Variants in COL25A1 observed in about 807,000 individuals in gnomAD.
The protein encoded by COL25A1 is collagen alpha-1(XXV) chain.
A neutral mutation model predicts 128.4 loss-of-function variants in COL25A1; 103 were observed. The observed-to-expected ratio is 0.80, with a 90% CI of 0.68 to 0.94. The LOEUF (loss-of-function observed/expected upper bound fraction) is 0.94, where lower values mean the gene tolerates loss of function less well. Ranked by LOEUF, COL25A1 falls within the 40% of genes least tolerant of loss-of-function variation. The probability of loss-of-function intolerance (pLI) is 0.00; values close to 1 mark genes in which losing one functional copy is unlikely to be tolerated. For synonymous variants in COL25A1, 279 were observed against 277.2 expected (o/e 1.01, Z -0.06); for missense variants, 745 against 840.0 (o/e 0.89, Z 1.40).
At chr4:109,112,399 A>G (rs1358242305) in intron 3 of COL25A1, among the ~76,000 whole-genome samples, 1 of 152,048 alleles carries the variant, frequency 6.6e-6, no homozygotes, top group Non-Finnish European at 1.5e-5. Context: ...ACCATAATAA[A>G]TATGGTGGAT....
At chr4:109,197,341 TTA>T (rs1303724677) in intron 3 of COL25A1, among the ~76,000 whole-genome samples, 2 of 131,556 alleles carry the variant, frequency 1.5e-5, no homozygotes, top group Non-Finnish European at 3.1e-5. Context: ...TATATATATA[TTA>T]TATATATATT....
intron 5 of COL25A1, among the ~76,000 whole-genome samples, chr4:109,032,779 G>A (rs1038591411): frequency 6.6e-6 from 1 of 152,178 alleles, no homozygotes; most frequent in Non-Finnish European, 1.5e-5. Flanking sequence ...GGCTCGGCAG[G>A]TTCTTTCTGA....
intron 8 of COL25A1, among the ~76,000 whole-genome samples, chr4:108,957,553 T>A (rs1337499178): frequency 6.6e-6 from 1 of 152,222 alleles, no homozygotes; most frequent in Non-Finnish European, 1.5e-5. Flanking sequence ...ACGGTAGATG[T>A]TGATTCAAAA....
intron 3 of COL25A1, among the ~76,000 whole-genome samples, chr4:109,100,517 C>T (rs1240064167): frequency 1.3e-5 from 2 of 151,022 alleles, no homozygotes; most frequent in Non-Finnish European, 2.9e-5. Context: ...CATTTTCATG[C>T]TGTCTGTGGG....
At chr4:108,930,424 A>G (rs907198571) in intron 11 of COL25A1, among the ~76,000 whole-genome samples, 3 of 152,172 alleles carry the variant, frequency 2.0e-5, no homozygotes, top group Non-Finnish European at 4.4e-5. Context: ...ACTTGAGCTC[A>G]CTACAAAGAC....
chr4:109,211,029 C>T (rs1001057320), intron 3 of COL25A1, among the ~76,000 whole-genome samples: 1 of 151,586 alleles, frequency 6.6e-6, no homozygotes, highest in African/African-American at 2.4e-5. Flanking sequence ...TGAGAGTGAA[C>T]GGAGAGGAGG....
rs1410283232 is a variant in COL25A1 at position 109,156,791 on chromosome 4, T to C, written c.368-106612A>G. ...CAGTGAACTGTAGATTGAAGGTTCT[T>C]ATTTGCACTCCACAGAGTCATTTAA... On this transcript the variant is annotated intron_variant, in intron 3 of 37. Coordinates refer to ENST00000399132, the MANE Select transcript of COL25A1 (RefSeq NM_198721.4). Among the ~76,000 whole-genome samples the C allele has an allele frequency of 3.8e-4, 58 of 152,264 alleles. 1 individual carries two copies. The highest frequency in any genetic ancestry group is 3.8e-3 in the Admixed American group (58 of 15,290).
At chr4:109,182,738 GC>G (rs1774777166) in intron 3 of COL25A1, among the ~76,000 whole-genome samples, 1 of 152,006 alleles carries the variant, frequency 6.6e-6, no homozygotes, top group Non-Finnish European at 1.5e-5. Flanking sequence ...CTCACTTTAT[GC>G]GTAAGTGACT....
chr4:109,265,408 C>G (rs1350057344), intron 3 of COL25A1, among the ~76,000 whole-genome samples: 1 of 152,108 alleles, frequency 6.6e-6, no homozygotes, highest in Non-Finnish European at 1.5e-5. Flanking sequence ...TTTAGTATCT[C>G]TTTTCAATTA....
intron 24 of COL25A1, among the ~76,000 whole-genome samples, chr4:108,858,161 G>A (rs1426967737): frequency 6.6e-6 from 1 of 152,098 alleles, no homozygotes; most frequent in East Asian, 1.9e-4. Context: ...GATTAAGATG[G>A]AGAAGCTTGG....
intron 3 of COL25A1, among the ~76,000 whole-genome samples, chr4:109,142,229 G>T (rs1339684913): frequency 1.3e-5 from 2 of 152,142 alleles, no homozygotes; most frequent in Non-Finnish European, 2.9e-5. Flanking sequence ...CCATGTAGTT[G>T]TGCAGTTTTG....
At chr4:109,066,974 A>T (rs1762505528) in intron 3 of COL25A1, among the ~76,000 whole-genome samples, 1 of 152,150 alleles carries the variant, frequency 6.6e-6, no homozygotes, top group Non-Finnish European at 1.5e-5. Context: ...CCCAGCCCCA[A>T]AATCAAATTT....
At chr4:109,218,357 G>GTTTTTTTTTTTT (rs34056401) in intron 3 of COL25A1, among the ~76,000 whole-genome samples, 29 of 73,566 alleles carry the variant, frequency 3.9e-4, no homozygotes, top group Admixed American at 8.2e-4. Context: ...GTTTTTTGGG[G>GTTTTTTTTTTTT]TTTTTTTTTT....
At chr4:108,977,949 G>A (rs554836714) in intron 6 of COL25A1, among the ~76,000 whole-genome samples, 27 of 152,216 alleles carry the variant, frequency 1.8e-4, no homozygotes, top group Middle Eastern at 3.4e-3. Flanking sequence ...ATCTCCCATT[G>A]TACCAGTCCT....
At chr4:109,188,292 G>A (rs1333386999) in intron 3 of COL25A1, among the ~76,000 whole-genome samples, 1 of 152,174 alleles carries the variant, frequency 6.6e-6, no homozygotes, top group African/African-American at 2.4e-5. Context: ...AGGAGACTGA[G>A]CTAGAAGGAA....
At chr4:108,967,877 A>G (rs7672089) in intron 8 of COL25A1, among the ~76,000 whole-genome samples, 46,220 of 152,068 alleles carry the variant, frequency 0.3, 7,594 homozygotes, top group South Asian at 0.46. Context: ...AGGTAAAGTC[A>G]TAGCCTCAAA....
chr4:109,010,706 A>C (rs114165695), intron 5 of COL25A1, among the ~76,000 whole-genome samples: 1 of 152,206 alleles, frequency 6.6e-6, no homozygotes, highest in Non-Finnish European at 1.5e-5. Context: ...TTACTTAAAG[A>C]AAGAGTCTTG....
At chr4:109,004,708 C>T (rs1222953040) in intron 6 of COL25A1, among the ~76,000 whole-genome samples, 1 of 152,086 alleles carries the variant, frequency 6.6e-6, no homozygotes, top group Non-Finnish European at 1.5e-5. Context: ...TGTGACGTGC[C>T]TGCTCCCCCT....
intron 3 of COL25A1, among the ~76,000 whole-genome samples, chr4:109,299,766 A>G (rs2126292579): frequency 6.6e-6 from 1 of 152,284 alleles, no homozygotes; most frequent in East Asian, 1.9e-4. Flanking sequence ...CATGACTTAC[A>G]TGAGTTGAAT....
Sources: gnomAD v4.1 joint callset for allele counts (sites outside exome capture counted in the v4.1 genomes callset) on GRCh38, gnomAD v4.1.1 for gene constraint, MANE v1.5 for transcripts, NCBI Gene and HGNC (gene_info 2026-07-23, HGNC 2026-07-21) for gene names.